Variants in PDE3B observed in about 807,000 individuals in gnomAD.
PDE3B encodes the protein phosphodiesterase 3B.
In PDE3B, 66 loss-of-function variants were observed where a neutral mutation model predicts 116.8. The observed-to-expected ratio is 0.56, with a 90% CI of 0.46 to 0.69. The LOEUF is 0.69. Among genes scored for constraint, PDE3B ranks in the 30% least tolerant of loss-of-function variants. PDE3B has a pLI of 0.00. For synonymous variants in PDE3B, 595 were observed against 533.6 expected (o/e 1.12, Z -1.59); for missense variants, 1,384 against 1,368.1 (o/e 1.01, Z -0.18).
At chr11:14,803,120 A>T (rs1294136637) in intron 4 of PDE3B, among the ~76,000 whole-genome samples, 1 of 152,206 alleles carries the variant, frequency 6.6e-6, no homozygotes, top group Non-Finnish European at 1.5e-5. Context: ...GGGGGGAATA[A>T]AAGGCTAATC....
chr11:14,741,562 T>C lies in PDE3B; in HGVS notation c.979-30375T>C, dbSNP rs1362148667. Among the ~76,000 whole-genome samples, 5 of 152,168 alleles carry C rather than the reference T, an allele frequency of 3.3e-5. 1 individual carries two copies. Among genetic ancestry groups the C allele is most frequent in the African/African-American group, 1.2e-4 (5 of 41,406 alleles). On this transcript the variant is annotated intron_variant, in intron 1 of 15. Transcript: ENST00000282096. ...TATTCAATTTGCCAGTCCATGTCTT[T>C]TACTTGGGGCATTTAGCCCATTTAC...
intron 7 of PDE3B, among the ~76,000 whole-genome samples, chr11:14,826,985 T>C (rs1859712725): frequency 6.6e-6 from 1 of 152,166 alleles, no homozygotes; most frequent in South Asian, 2.1e-4. Context: ...TCAAATAGGC[T>C]TCATCCCTAG....
intron 1 of PDE3B, among the ~76,000 whole-genome samples, chr11:14,663,873 C>G (rs1254969307): frequency 6.6e-6 from 1 of 152,166 alleles, no homozygotes; most frequent in Admixed American, 6.5e-5. Flanking sequence ...AGAAAGTTAA[C>G]AAGGATACCC....
At chr11:14,731,690 TCA>T (rs1322527693) in intron 1 of PDE3B, among the ~76,000 whole-genome samples, 2 of 152,190 alleles carry the variant, frequency 1.3e-5, no homozygotes, top group Non-Finnish European at 2.9e-5. Flanking sequence ...ACAGAGAAAC[TCA>T]GTCATATAAG....
At chr11:14,837,826 A>C (rs1860100445) in intron 11 of PDE3B, among the ~76,000 whole-genome samples, 1 of 152,230 alleles carries the variant, frequency 6.6e-6, no homozygotes, top group South Asian at 2.1e-4. Context: ...AAACTAAGAC[A>C]AGAAGGACCA....
chr11:14,688,144 C>T lies in PDE3B; in HGVS notation c.978+43091C>T, dbSNP rs866999762. 1.2e-3 allele frequency among the ~76,000 whole-genome samples: 92 copies of T among 78,000 alleles called. 1 individual carries two copies. The highest frequency in any genetic ancestry group is 5.4e-3 in the East Asian group (13 of 2,420). The allele number at this position is 78,000 out of a possible 152,430, so 51.2% of individuals were successfully genotyped here. On this transcript the variant is annotated intron_variant, in intron 1 of 15. Coordinates refer to ENST00000282096, the MANE Select transcript of PDE3B (RefSeq NM_000922.4). ...CTCTCTCTCTCTCTCTCTCTCTCTC[C>T]CTCCCTCCCTCCATCCCTCTCTCTC...
At chr11:14,742,220 G>T (rs773105333) in intron 1 of PDE3B, among the ~76,000 whole-genome samples, 6 of 152,114 alleles carry the variant, frequency 3.9e-5, no homozygotes, top group Non-Finnish European at 8.8e-5. Context: ...TCACTTTCAG[G>T]TGCACAAATC....
chr11:14,671,402 A>T (rs1306151076), intron 1 of PDE3B, among the ~76,000 whole-genome samples: 1 of 152,026 alleles, frequency 6.6e-6, no homozygotes, highest in Non-Finnish European at 1.5e-5. Context: ...GGTGGGAAAG[A>T]TCTTGACATG....
At chr11:14,672,058 T>C (rs1854388041) in intron 1 of PDE3B, among the ~76,000 whole-genome samples, 1 of 146,974 alleles carries the variant, frequency 6.8e-6, no homozygotes, top group Non-Finnish European at 1.5e-5. Context: ...TATATATATG[T>C]ATATATATAT....
chr11:14,684,716 C>G (rs1000391968), intron 1 of PDE3B, among the ~76,000 whole-genome samples: 4 of 152,126 alleles, frequency 2.6e-5, no homozygotes, highest in African/African-American at 9.7e-5. Flanking sequence ...AGACCTCCCC[C>G]CAGGGATGCA....
At chr11:14,891,668 G>C in the PDE3B span, 1 of 1,169,072 alleles carries the variant, frequency 8.6e-7, no homozygotes, top group Non-Finnish European at 1.1e-6. Context: ...GTGGCGGCGC[G>C]GCTGGCGAGC....
At chr11:14,835,506 G>A (rs11023348) in intron 11 of PDE3B, among the ~76,000 whole-genome samples, 10,367 of 151,838 alleles carry the variant, frequency 0.068, 461 homozygotes, top group African/African-American at 0.13. Context: ...AAAAACCAAA[G>A]AGAACATTTT....
chr11:14,861,086 A>T, intron 13 of PDE3B, 119 bp from the exon 14 acceptor site: 1 of 688,854 alleles, frequency 1.5e-6, no homozygotes, highest in South Asian at 2.0e-5. Context: ...CTATTTGCTG[A>T]AATTTCTTTC....
chr11:14,733,828 A>G (rs1357261199), intron 1 of PDE3B, among the ~76,000 whole-genome samples: 4 of 152,172 alleles, frequency 2.6e-5, no homozygotes, highest in Non-Finnish European at 1.5e-5. Flanking sequence ...TAGGAGCTCT[A>G]ATTTAGCCAT....
At chr11:14,718,949 C>G (rs1336602633) in intron 1 of PDE3B, among the ~76,000 whole-genome samples, 1 of 80,062 alleles carries the variant, frequency 1.2e-5, no homozygotes, top group South Asian at 5.3e-4. Flanking sequence ...AATAGAGACA[C>G]AAAAAACCCT....
intron 11 of PDE3B, among the ~76,000 whole-genome samples, chr11:14,841,114 C>T (rs977012567): frequency 2.0e-5 from 3 of 151,840 alleles, no homozygotes; most frequent in Non-Finnish European, 4.4e-5. Context: ...TCCATAAGGT[C>T]GGTGGGCCTC....
intron 1 of PDE3B, among the ~76,000 whole-genome samples, chr11:14,671,998 C>T: frequency 7.3e-6 from 1 of 137,636 alleles, no homozygotes. Context: ...GCCTGGGTGA[C>T]AGAGTGAGAC....
chr11:14,856,216 C>G (rs1210409006), intron 12 of PDE3B, among the ~76,000 whole-genome samples: 1 of 152,206 alleles, frequency 6.6e-6, no homozygotes, highest in African/African-American at 2.4e-5. Context: ...AGGTGCCTGC[C>G]TCTCCATTGC....
intron 2 of PDE3B, among the ~76,000 whole-genome samples, chr11:14,777,277 C>T (rs148462840): frequency 2.6e-5 from 4 of 152,208 alleles, no homozygotes; most frequent in East Asian, 3.9e-4. Context: ...AAAGAACCAA[C>T]ATTTGTATTG....
Sources: gnomAD v4.1 joint callset for allele counts (sites outside exome capture counted in the v4.1 genomes callset) on GRCh38, gnomAD v4.1.1 for gene constraint, MANE v1.5 for transcripts, NCBI Gene and HGNC (gene_info 2026-07-23, HGNC 2026-07-21) for gene names.